MICU1: variants seen among roughly 807,000 people sequenced by gnomAD.
The protein encoded by MICU1 is calcium uptake protein 1, mitochondrial.
Under a neutral mutation model 56.8 loss-of-function variants are expected in MICU1, and 45 were observed. That is an observed-to-expected ratio of 0.79 (90% CI 0.62 to 1.02). The LOEUF is 1.02. Among genes scored for constraint, MICU1 ranks in the 50% least tolerant of loss-of-function variants. The probability of loss-of-function intolerance (pLI) is 0.00; values close to 1 mark genes in which losing one functional copy is unlikely to be tolerated. For missense variants in MICU1, 504 were observed against 587.1 expected (o/e 0.86, Z 1.46); for synonymous variants, 186 against 195.1 (o/e 0.95, Z 0.39).
chr10:72,621,519 T>C (rs1380862794), intron 1 of MICU1, among the ~76,000 whole-genome samples: 2 of 151,904 alleles, frequency 1.3e-5, no homozygotes, highest in Non-Finnish European at 2.9e-5. Context: ...AATAAAAAAA[T>C]AAAGTGGTTT....
In MICU1 at chr10:72,536,541, C is replaced by T. The variant is rs967028257; in HGVS notation, c.494-2752G>A. ...TTTTTTTTTGTATTTTTAGTAGAGA[C>T]AGGGTTTCACCGTGTTAGTCAGGAT... On this transcript the variant is annotated intron_variant, in intron 4 of 11. Coordinates refer to ENST00000361114, the MANE Select transcript of MICU1 (RefSeq NM_001195518.2). Among the ~76,000 whole-genome samples the T allele has an allele frequency of 2.6e-5, 4 of 151,634 alleles. No homozygotes were observed. In the South Asian group the frequency reaches 6.2e-4, roughly 24 times the overall value.
intron 8 of MICU1, among the ~76,000 whole-genome samples, chr10:72,451,928 G>A (rs1347949494): frequency 6.6e-6 from 1 of 151,918 alleles, no homozygotes. Flanking sequence ...GCAGTGGTAC[G>A]ATCTCTGCTC....
At chr10:72,454,929 T>C (rs1238828462) in intron 8 of MICU1, among the ~76,000 whole-genome samples, 1 of 152,172 alleles carries the variant, frequency 6.6e-6, no homozygotes, top group African/African-American at 2.4e-5. Context: ...GAATACCTAA[T>C]AGATCTCAGA....
At chr10:72,502,448 G>A (rs577177936) in intron 6 of MICU1, among the ~76,000 whole-genome samples, 3 of 152,216 alleles carry the variant, frequency 2.0e-5, no homozygotes, top group South Asian at 2.1e-4. Flanking sequence ...GAGCCACCGC[G>A]CCCAGCCTTA....
At chr10:72,583,830 T>G (rs1221465814) in intron 1 of MICU1, among the ~76,000 whole-genome samples, 1 of 152,118 alleles carries the variant, frequency 6.6e-6, no homozygotes, top group Admixed American at 6.6e-5. Flanking sequence ...CAAAATACAG[T>G]AGAGATTAAT....
chr10:72,514,176 G>C (rs1176929425), intron 5 of MICU1, among the ~76,000 whole-genome samples: 3 of 151,958 alleles, frequency 2.0e-5, no homozygotes, highest in African/African-American at 7.2e-5. Flanking sequence ...TTCAGTTCCA[G>C]AACTTCTATT....
chr10:72,456,586 C>T (rs1208374928), intron 8 of MICU1, among the ~76,000 whole-genome samples: 1 of 152,200 alleles, frequency 6.6e-6, no homozygotes, highest in African/African-American at 2.4e-5. Flanking sequence ...TCATGAGAGA[C>T]AGCCAGAATT....
At chr10:72,570,857 C>A (rs1840592746) in intron 1 of MICU1, among the ~76,000 whole-genome samples, 1 of 151,866 alleles carries the variant, frequency 6.6e-6, no homozygotes, top group Non-Finnish European at 1.5e-5. Flanking sequence ...TCCTGTCTGG[C>A]AACTTCTGAT....
At chr10:72,520,842 C>T (rs1052893937) in intron 5 of MICU1, among the ~76,000 whole-genome samples, 1 of 152,016 alleles carries the variant, frequency 6.6e-6, no homozygotes. Context: ...TGTTTTAATC[C>T]TCAGTATCTG....
chr10:72,481,687 C>T (rs565577929), intron 6 of MICU1, among the ~76,000 whole-genome samples: 7 of 152,336 alleles, frequency 4.6e-5, no homozygotes, highest in African/African-American at 7.2e-5. Context: ...GTCGGGATTA[C>T]AGGCGTGAGC....
chr10:72,569,231 A>T (rs868291424), intron 1 of MICU1, among the ~76,000 whole-genome samples: 5,642 of 39,070 alleles, frequency 0.14, 1,012 homozygotes, highest in African/African-American at 0.41. Context: ...ATATATATAT[A>T]TATATATTTT....
chr10:72,512,833 T>C (rs909894830), intron 5 of MICU1, among the ~76,000 whole-genome samples: 4 of 152,080 alleles, frequency 2.6e-5, no homozygotes, highest in Admixed American at 2.6e-4. Context: ...GCCTCCCCAG[T>C]AGCTGGGACT....
At chr10:72,465,313 T>TG (rs1182673040) in intron 8 of MICU1, among the ~76,000 whole-genome samples, 3 of 150,006 alleles carry the variant, frequency 2.0e-5, no homozygotes, top group African/African-American at 4.9e-5. Flanking sequence ...TTTTTTGTTT[T>TG]TTTTTTTTTT....
chr10:72,542,347 C>T (rs1429600171), intron 4 of MICU1, among the ~76,000 whole-genome samples: 1 of 152,178 alleles, frequency 6.6e-6, no homozygotes, highest in Non-Finnish European at 1.5e-5. Flanking sequence ...AATCCCTGCT[C>T]TGTACTAAGC....
At chr10:72,369,989 T>C (rs1192596609) in intron 11 of MICU1, among the ~76,000 whole-genome samples, 1 of 60 alleles carries the variant, frequency 0.017, no homozygotes, top group Non-Finnish European at 0.036. Flanking sequence ...TGCCATTCTC[T>C]GCTCAGCCTC....
chr10:72,590,145 G>A (rs574701164), intron 1 of MICU1, among the ~76,000 whole-genome samples: 9 of 152,042 alleles, frequency 5.9e-5, no homozygotes, highest in Admixed American at 2.0e-4. Context: ...ACTTAACTAC[G>A]TACTGTCTAT....
chr10:72,600,710 C>A (rs1281537136), intron 1 of MICU1, among the ~76,000 whole-genome samples: 2 of 150,708 alleles, frequency 1.3e-5, no homozygotes, highest in Non-Finnish European at 3.0e-5. Flanking sequence ...CCTTAAACTG[C>A]AAACGTTATG....
intron 6 of MICU1, among the ~76,000 whole-genome samples, chr10:72,494,658 GAAAAT>G (rs994620415): frequency 1.3e-4 from 20 of 150,068 alleles, no homozygotes; most frequent in African/African-American, 4.4e-4. Flanking sequence ...TTAAGAACCC[GAAAAT>G]AAAATTAAAA....
chr10:72,550,188 T>C (rs971165562), intron 4 of MICU1, among the ~76,000 whole-genome samples: 2 of 152,212 alleles, frequency 1.3e-5, no homozygotes, highest in Non-Finnish European at 2.9e-5. Context: ...AGGTGCACTA[T>C]TTTCCATCTT....
Sources: gnomAD v4.1 joint callset for allele counts (sites outside exome capture counted in the v4.1 genomes callset) on GRCh38, gnomAD v4.1.1 for gene constraint, MANE v1.5 for transcripts, NCBI Gene and HGNC (gene_info 2026-07-23, HGNC 2026-07-21) for gene names.